Variants in MICU1 observed in about 807,000 individuals in gnomAD.
The protein encoded by MICU1 is mitochondrial calcium uptake 1.
Under a neutral mutation model 56.8 loss-of-function variants are expected in MICU1, and 45 were observed. The ratio of observed to expected loss-of-function variants is 0.79; its 90% CI spans 0.62 to 1.02. The LOEUF (loss-of-function observed/expected upper bound fraction) is 1.02, where lower values mean the gene tolerates loss of function less well. MICU1 is among the 50% of genes least tolerant of loss of function. MICU1 has a pLI of 0.00. For missense variants in MICU1, 504 were observed against 587.1 expected (o/e 0.86, Z 1.46); for synonymous variants, 186 against 195.1 (o/e 0.95, Z 0.39).
chr10:72,452,571 G>C (rs1440635576), intron 8 of MICU1, among the ~76,000 whole-genome samples: 2 of 152,144 alleles, frequency 1.3e-5, no homozygotes, highest in African/African-American at 4.8e-5. Flanking sequence ...TATATGTTTA[G>C]ATACACAATT....
At chr10:72,463,445 C>T (rs955251875) in intron 8 of MICU1, among the ~76,000 whole-genome samples, 8 of 152,160 alleles carry the variant, frequency 5.3e-5, no homozygotes, top group Non-Finnish European at 1.0e-4. Context: ...TATATTTAAG[C>T]TACAAAGTGT....
chr10:72,605,683 T>C (rs946559098), intron 1 of MICU1, among the ~76,000 whole-genome samples: 5 of 152,230 alleles, frequency 3.3e-5, no homozygotes, highest in African/African-American at 1.2e-4. Context: ...AGTTTAGAGA[T>C]GATTTAAAGT....
chr10:72,371,247 C>T (rs1351147437), intron 11 of MICU1, among the ~76,000 whole-genome samples: 3 of 151,366 alleles, frequency 2.0e-5, no homozygotes, highest in South Asian at 2.1e-4. Flanking sequence ...AATAGCTGGG[C>T]GTGGTGGCGG....
chr10:72,423,264 C>A lies in MICU1; in HGVS notation c.1041G>T (p.Arg347Ser), dbSNP rs917988342. 6.1e-5 allele frequency: 98 copies of A among 1,613,778 alleles called. No homozygotes were observed. The Admixed American group carries it at 1.2e-3, about 20-fold the overall frequency. Reference sequence around the variant, plus strand: ...CTTCTTTGAAGTGCTTCTTGAGCTGCCTCTGCATGGCGGTCAGCTTCTTGG... The same window carrying A: ...CTTCTTTGAAGTGCTTCTTGAGCTGACTCTGCATGGCGGTCAGCTTCTTGG... ...VQSKKLTAMQRQLKKHFKEGK... is the reference protein window; with the variant it reads ...VQSKKLTAMQSQLKKHFKEGK... Residue 347 changes from arginine (R) to serine (S), a missense_variant, in exon 9 of 12, where the codon AGG becomes AGT. Physicochemically the swap from Arg to Ser is moderately radical, Grantham distance 110. Coordinates refer to ENST00000361114, the MANE Select transcript of MICU1 (RefSeq NM_001195518.2).
intron 9 of MICU1, among the ~76,000 whole-genome samples, chr10:72,420,871 T>TCGC (rs1864136942): frequency 6.6e-6 from 1 of 151,372 alleles, no homozygotes; most frequent in South Asian, 2.1e-4. Context: ...AGACAAGGTT[T>TCGC]CGCCACTTTG....
intron 1 of MICU1, among the ~76,000 whole-genome samples, chr10:72,604,295 C>T (rs1189498502): frequency 2.5e-5 from 3 of 119,864 alleles, no homozygotes; most frequent in Non-Finnish European, 5.0e-5. Context: ...TTTTTTGAGA[C>T]GGAGTTTTGC....
chr10:72,487,903 T>C (rs1866526218), intron 6 of MICU1, among the ~76,000 whole-genome samples: 1 of 152,232 alleles, frequency 6.6e-6, no homozygotes. Context: ...CTTCAGTTAA[T>C]AATGTAAAAA....
intron 11 of MICU1, among the ~76,000 whole-genome samples, chr10:72,370,565 A>G (rs1327136751): frequency 6.6e-6 from 1 of 152,206 alleles, no homozygotes; most frequent in Non-Finnish European, 1.5e-5. Context: ...TATAAAGTAC[A>G]AAGGTAAAAC....
At chr10:72,476,444 G>C (rs1053362763) in intron 7 of MICU1, among the ~76,000 whole-genome samples, 1 of 151,914 alleles carries the variant, frequency 6.6e-6, no homozygotes, top group African/African-American at 2.4e-5. Context: ...GCCCAGGCTG[G>C]TTTCAAACTA....
At chr10:72,572,600 A>G (rs1020959182) in intron 1 of MICU1, among the ~76,000 whole-genome samples, 2 of 152,044 alleles carry the variant, frequency 1.3e-5, no homozygotes, top group Non-Finnish European at 2.9e-5. Context: ...GTAAATATTA[A>G]AAATGATAAT....
intron 6 of MICU1, among the ~76,000 whole-genome samples, chr10:72,479,879 TTCTC>T (rs1373985230): frequency 6.6e-6 from 1 of 152,190 alleles, no homozygotes; most frequent in Non-Finnish European, 1.5e-5. Context: ...GGTGGAAATG[TTCTC>T]TCTTATTCTT....
Position 72,596,637 on chromosome 10 carries a change from C to T in MICU1, c.-2+29373G>A, listed in dbSNP as rs866063263. Among the ~76,000 whole-genome samples the T allele has an allele frequency of 3.0e-4, 46 of 152,042 alleles. 1 individual carries two copies. The Middle Eastern group carries it at 0.014, about 45-fold the overall frequency. ...TGTAATCCCCAGCACTTTGGGAGGC[C>T]GAGGTGGGTGGACCAACTTGAGGTC... On this transcript the variant is annotated intron_variant, in intron 1 of 11. Coordinates refer to ENST00000361114, the MANE Select transcript of MICU1 (RefSeq NM_001195518.2).
chr10:72,410,344 C>T (rs921878137), intron 9 of MICU1, among the ~76,000 whole-genome samples: 2 of 152,132 alleles, frequency 1.3e-5, no homozygotes, highest in Admixed American at 1.3e-4. Context: ...TAGCCAGGCA[C>T]GGTGGCTCAC....
intron 1 of MICU1, among the ~76,000 whole-genome samples, chr10:72,567,538 T>A (rs929591693): frequency 5.9e-5 from 9 of 152,162 alleles, no homozygotes; most frequent in African/African-American, 1.7e-4. Context: ...TCAGAGAAAC[T>A]TACTAAGGTG....
At position 72,375,820 on chromosome 10, in the gene MICU1, G is replaced by A. The variant is rs1190554915; in HGVS notation, c.1233C>T (p.His411=). ...RTVAKVELSD[H]VCDVVFALFD... is the part of the protein sequence containing the mutation. ...AGAGTGCAAACACCACATCACACAC[G>A]TGGTCTGAGAGCTCCACTTTAGCCA... The change falls in exon 11 of 12, where the codon CAC becomes CAT. Residue 411 remains histidine, a synonymous_variant. Transcript: ENST00000361114. The A allele has an allele frequency of 1.9e-6, 3 of 1,613,464 alleles. No homozygotes were observed. Among genetic ancestry groups the A allele is most frequent in the East Asian group, 4.5e-5 (2 of 44,872 alleles).
At chr10:72,471,489 A>T (rs1414789940) in intron 8 of MICU1, among the ~76,000 whole-genome samples, 1 of 152,198 alleles carries the variant, frequency 6.6e-6, no homozygotes, top group Non-Finnish European at 1.5e-5. Flanking sequence ...TTCTAGGAAC[A>T]AGTGTTGGTT....
At chr10:72,605,225 G>A (rs2132555196) in intron 1 of MICU1, among the ~76,000 whole-genome samples, 1 of 152,230 alleles carries the variant, frequency 6.6e-6, no homozygotes, top group South Asian at 2.1e-4. Flanking sequence ...CATGCTAAAA[G>A]GAACTCCCAC....
chr10:72,400,962 C>CTATTAT (rs144504874), intron 10 of MICU1, among the ~76,000 whole-genome samples: 39 of 150,650 alleles, frequency 2.6e-4, no homozygotes, highest in Non-Finnish European at 4.9e-4. Context: ...AGTGGAAATG[C>CTATTAT]TATTATTATT....
intron 2 of MICU1, among the ~76,000 whole-genome samples, chr10:72,566,344 C>A (rs1352052971): frequency 1.3e-5 from 2 of 152,114 alleles, no homozygotes; most frequent in Non-Finnish European, 1.5e-5. Flanking sequence ...CCGCGCCTGG[C>A]CAGAAAGCCT....
Sources: allele counts gnomAD v4.1 joint callset (sites outside exome capture counted in the v4.1 genomes callset), GRCh38; gene constraint gnomAD v4.1.1; transcripts MANE v1.5; gene names NCBI Gene and HGNC (gene_info 2026-07-23, HGNC 2026-07-21).